Variants in WWC2 observed in about 807,000 individuals in gnomAD.
WWC2 encodes protein WWC2.
In WWC2, 101 loss-of-function variants were observed where a neutral mutation model predicts 138.5. That is an observed-to-expected ratio of 0.73 (90% CI 0.62 to 0.86). WWC2 has a LOEUF of 0.86. WWC2 is among the 40% of genes least tolerant of loss of function. WWC2 has a pLI of 0.00. For missense variants in WWC2, 1,420 were observed against 1,419.4 expected (o/e 1.00, Z -0.01); for synonymous variants, 558 against 538.4 (o/e 1.04, Z -0.50).
chr4:183,267,322 C>G (rs751674267), intron 14 of WWC2, among the ~76,000 whole-genome samples: 1 of 152,126 alleles, frequency 6.6e-6, no homozygotes, highest in Non-Finnish European at 1.5e-5. Context: ...CCTAGATCAA[C>G]GCAGAGAGCC....
intron 6 of WWC2, 143 bp from the exon 7 acceptor site, chr4:183,248,571 A>T: frequency 2.5e-6 from 2 of 789,818 alleles, no homozygotes; most frequent in Non-Finnish European, 3.7e-6. Flanking sequence ...TATTTTTTCA[A>T]TTATATAAAA....
At chr4:183,191,198 T>C (rs1734980881) in intron 1 of WWC2, among the ~76,000 whole-genome samples, 1 of 152,126 alleles carries the variant, frequency 6.6e-6, no homozygotes, top group Non-Finnish European at 1.5e-5. Context: ...TCTCACTCTT[T>C]GTCAAAAGAA....
Position 183,175,224 on chromosome 4 carries a change from T to C in WWC2, c.132-18375T>C, listed in dbSNP as rs183376735. Among the ~76,000 whole-genome samples, 6 of 152,318 alleles carry C rather than the reference T, an allele frequency of 3.9e-5. No individual in the cohort carries two copies. In the East Asian group the frequency reaches 1.2e-3, roughly 29 times the overall value. ...GTCTAACATCATCTGACATCTAGCA[T>C]AAATTATATAGTTTCAAAATTTCTT... On this transcript the variant is annotated intron_variant, in intron 1 of 22. Transcript: ENST00000403733.
chr4:183,186,573 G>GA (rs901648340), intron 1 of WWC2, among the ~76,000 whole-genome samples: 15 of 149,576 alleles, frequency 1.0e-4, no homozygotes, highest in African/African-American at 2.9e-4. Flanking sequence ...GACTGAAGGA[G>GA]AAAAAATTAA....
chr4:183,214,213 G>A (rs1735685326), intron 4 of WWC2, among the ~76,000 whole-genome samples: 2 of 152,108 alleles, frequency 1.3e-5, no homozygotes. Flanking sequence ...TGGCTAGGGG[G>A]CACTGTTATT....
chr4:183,268,896 T>C, intron 14 of WWC2, 75 bp from the exon 15 acceptor site: 1 of 1,397,826 alleles, frequency 7.2e-7, no homozygotes, highest in Non-Finnish European at 9.8e-7. Context: ...TCTTTGCAGA[T>C]AATTTCAAAT....
At chr4:183,238,239 G>C (rs1027856571) in intron 4 of WWC2, among the ~76,000 whole-genome samples, 4 of 152,130 alleles carry the variant, frequency 2.6e-5, no homozygotes, top group African/African-American at 9.7e-5. Context: ...CCAAAATCCT[G>C]ATGTGATCTT....
intron 6 of WWC2, among the ~76,000 whole-genome samples, chr4:183,245,963 A>C (rs867175261): frequency 1.3e-5 from 2 of 152,196 alleles, no homozygotes; most frequent in Non-Finnish European, 2.9e-5. Flanking sequence ...GGATGAGGCT[A>C]TGTGAGGAGC....
At chr4:183,163,199 G>A (rs1337299349) in intron 1 of WWC2, among the ~76,000 whole-genome samples, 5 of 152,202 alleles carry the variant, frequency 3.3e-5, no homozygotes, top group African/African-American at 9.6e-5. Context: ...TAGAAAATAA[G>A]TGTCTTGGGA....
chr4:183,111,700 T>G (rs79629505), intron 1 of WWC2, among the ~76,000 whole-genome samples: 2 of 139,672 alleles, frequency 1.4e-5, no homozygotes, highest in African/African-American at 2.5e-5. Flanking sequence ...TCTGTTTTGT[T>G]TTTTTTTTTT....
intron 1 of WWC2, among the ~76,000 whole-genome samples, chr4:183,186,323 CT>C (rs1734799392): frequency 6.6e-6 from 1 of 152,100 alleles, no homozygotes; most frequent in Non-Finnish European, 1.5e-5. Context: ...GAGCCATGTG[CT>C]TTTTCAAAGG....
At chr4:183,124,478 G>C (rs528938126) in intron 1 of WWC2, among the ~76,000 whole-genome samples, 3 of 146,326 alleles carry the variant, frequency 2.1e-5, no homozygotes, top group Non-Finnish European at 4.5e-5. Flanking sequence ...TTCTAATTCG[G>C]TACTTTATGC....
At position 183,239,509 on chromosome 4, in the gene WWC2, A is replaced by G. The variant is rs182750164; in HGVS notation, c.523-674A>G. Among the ~76,000 whole-genome samples the G allele has an allele frequency of 2.0e-3, 303 of 152,304 alleles. 1 individual carries two copies. The highest frequency in any genetic ancestry group is 3.1e-3 in the Non-Finnish European group (213 of 68,038). ...GACAACAGGAAAAATATATTTTATC[A>G]GTTTGACAACAAATATTTATTGATC... On this transcript the variant is annotated intron_variant, in intron 4 of 22. Transcript: ENST00000403733.
At chr4:183,187,539 C>T (rs7657907) in intron 1 of WWC2, among the ~76,000 whole-genome samples, 144,400 of 147,646 alleles carry the variant, frequency 0.98, 70,661 homozygotes, top group Non-Finnish European at 1. Flanking sequence ...GGCGACAGAA[C>T]GAGACTCCGT....
intron 8 of WWC2, 107 bp from the exon 9 acceptor site, chr4:183,253,650 T>G (rs1426426176): frequency 1.4e-6 from 2 of 1,384,600 alleles, no homozygotes; most frequent in Non-Finnish European, 1.9e-6. Flanking sequence ...TAAGGTCAAG[T>G]TAGGAAAATC....
chr4:183,310,284 A>T (rs754045740), intron 21 of WWC2, among the ~76,000 whole-genome samples: 7 of 152,124 alleles, frequency 4.6e-5, no homozygotes, highest in African/African-American at 1.7e-4. Context: ...ATAGTGGGAG[A>T]GTTTATACAT....
At chr4:183,250,978 C>T (rs964810296) in intron 8 of WWC2, among the ~76,000 whole-genome samples, 22 of 152,270 alleles carry the variant, frequency 1.4e-4, no homozygotes, top group African/African-American at 5.3e-4. Context: ...CTCTATGTAA[C>T]CTGTATTCTT....
chr4:183,297,355 A>C (rs1284826720), intron 21 of WWC2, among the ~76,000 whole-genome samples: 1 of 152,122 alleles, frequency 6.6e-6, no homozygotes, highest in Non-Finnish European at 1.5e-5. Flanking sequence ...ATAATGAGGG[A>C]AAGAAGATCC....
intron 1 of WWC2, among the ~76,000 whole-genome samples, chr4:183,123,832 A>G (rs1336288525): frequency 2.6e-5 from 4 of 152,132 alleles, no homozygotes; most frequent in African/African-American, 9.7e-5. Context: ...TAATTTTGAT[A>G]TGAAGCTGGA....
Sources: allele counts gnomAD v4.1 joint callset (sites outside exome capture counted in the v4.1 genomes callset), GRCh38; gene constraint gnomAD v4.1.1; transcripts MANE v1.5; gene names NCBI Gene and HGNC (gene_info 2026-07-23, HGNC 2026-07-21).